Variants in UGT2B15 observed in about 807,000 individuals in gnomAD.
The protein encoded by UGT2B15 is UDP-glucuronosyltransferase 2B15.
A neutral mutation model predicts 45.9 loss-of-function variants in UGT2B15; 36 were observed. That is an observed-to-expected ratio of 0.78 (90% confidence interval 0.60 to 1.04). The LOEUF (loss-of-function observed/expected upper bound fraction) is 1.04, where lower values mean the gene tolerates loss of function less well. Ranked by LOEUF, UGT2B15 falls within the 50% of genes least tolerant of loss-of-function variation. The pLI is 0.00. For synonymous variants in UGT2B15, 219 were observed against 216.4 expected, an observed-to-expected ratio of 1.01 and a Z score of -0.11; for missense variants, 617 against 622.4, an observed-to-expected ratio of 0.99 and a Z score of 0.09.
chr4:68,653,307 A>G (rs765733011), intron 5 of UGT2B15, among the ~76,000 whole-genome samples: 5 of 152,060 alleles, frequency 3.3e-5, no homozygotes, highest in Non-Finnish European at 7.4e-5. Context: ...ATATAGAAAT[A>G]AAAATGAATG....
chr4:68,670,060 C>T lies in UGT2B15; in HGVS notation c.559G>A (p.Gly187Arg). Residue 187 changes from glycine (G) to arginine (R), a missense_variant, in exon 1 of 6, where the codon GGA becomes AGA. Gly to Arg is a moderately radical substitution (Grantham distance 125). This residue lies in a region of UGT2B15 where 351 missense variants were observed against 342.1 expected (regional missense o/e 1.03). Transcript: ENST00000338206. ...ACATAGGAAGGAGGGAACAGAAATC[C>T]TCCACCATTCTTCTCAAATGTGTAG... ...VGYTFEKNGG[G>R]FLFPPSYVPV... The T allele has an allele frequency of 6.2e-7, 1 of 1,613,994 alleles. No homozygotes were observed. The highest frequency in any genetic ancestry group is 1.3e-5 in the African/African-American group (1 of 75,010).
chr4:68,649,960 G>A (rs1379777407), intron 5 of UGT2B15, among the ~76,000 whole-genome samples: 4 of 151,638 alleles, frequency 2.6e-5, no homozygotes, highest in African/African-American at 9.7e-5. Flanking sequence ...AACCTCCTGA[G>A]TAGCTGGGAC....
intron 3 of UGT2B15, among the ~76,000 whole-genome samples, chr4:68,656,703 T>G (rs1177841450): frequency 1.3e-5 from 2 of 152,150 alleles, no homozygotes; most frequent in Non-Finnish European, 2.9e-5. Context: ...AGGCTTCTAA[T>G]GACTTGAACT....
At position 68,663,134 on chromosome 4, in the gene UGT2B15, C is replaced by T. The variant is rs1220451163; in HGVS notation, c.879G>A (p.Met293Ile). Residue 293 changes from methionine (M) to isoleucine (I), a missense_variant, in exon 3 of 6, where the codon ATG becomes ATA. By Grantham distance (10) the Met-to-Ile change is conservative (BLOSUM62 1). Transcript: ENST00000338206. ...CTCCAGAGCTCTGCACAAACTCTTC[C>T]ATTTCCTGTGAAGAAAGAATTTGTT... ...CKPAKPLPKE[M>I]EEFVQSSGEN... The T allele has an allele frequency of 2.5e-5, 39 of 1,582,202 alleles. No homozygotes were observed. Among genetic ancestry groups the T allele is most frequent in the Non-Finnish European group, 3.3e-5 (38 of 1,168,532 alleles).
chr4:68,648,676 C>T (rs1458913486), intron 5 of UGT2B15, among the ~76,000 whole-genome samples: 1 of 152,148 alleles, frequency 6.6e-6, no homozygotes, highest in East Asian at 1.9e-4. Context: ...AGTGAAGACA[C>T]CAATTTATCA....
chr4:68,658,793 GT>G (rs1732882135), intron 3 of UGT2B15, among the ~76,000 whole-genome samples: 1 of 152,096 alleles, frequency 6.6e-6, no homozygotes, highest in South Asian at 2.1e-4. Flanking sequence ...ACTCATATAA[GT>G]TTTTTTCCTC....
chr4:68,665,665 AAAGC>A (rs1333298546), intron 2 of UGT2B15, among the ~76,000 whole-genome samples: 1 of 152,208 alleles, frequency 6.6e-6, no homozygotes, highest in Admixed American at 6.5e-5. Context: ...ACATAATGGA[AAAGC>A]AAGCAAATTT....
intron 5 of UGT2B15, among the ~76,000 whole-genome samples, chr4:68,648,768 T>C (rs1361911552): frequency 3.9e-5 from 6 of 152,118 alleles, no homozygotes; most frequent in Non-Finnish European, 8.8e-5. Flanking sequence ...ACCTGATTTC[T>C]GATATCATAG....
chr4:68,650,943 CT>C (rs1033698808), intron 5 of UGT2B15, among the ~76,000 whole-genome samples: 1 of 139,370 alleles, frequency 7.2e-6, no homozygotes, highest in East Asian at 2.1e-4. Context: ...GCATAAATGT[CT>C]TTTTTTAAGA....
chr4:68,664,166 AAATG>A (rs1011745652), intron 2 of UGT2B15, among the ~76,000 whole-genome samples: 2 of 152,012 alleles, frequency 1.3e-5, no homozygotes, highest in African/African-American at 4.8e-5. Context: ...GTTTGCTTTG[AAATG>A]AATGAGAATT....
At chr4:68,662,905 T>C in intron 3 of UGT2B15, 103 bp downstream of exon 3, 1 of 914,740 alleles carries the variant, frequency 1.1e-6, no homozygotes. Flanking sequence ...ATTAGAACTA[T>C]CATAGCAGTT....
In UGT2B15 at chr4:68,647,066, C is replaced by T. The variant is rs756387076; in HGVS notation, c.*38G>A. On this transcript the variant is annotated 3_prime_UTR_variant, in exon 6 of 6. Transcript: ENST00000338206. ...TCCATGCTGAAATAAAGGAGGAGTCCCATCTTTCAGTCATTCCACTTCAGG... is the reference window on the plus strand; with the variant it reads ...TCCATGCTGAAATAAAGGAGGAGTCTCATCTTTCAGTCATTCCACTTCAGG... 2 of 1,580,002 alleles carry T rather than the reference C, an allele frequency of 1.3e-6. No individual in the cohort carries two copies. The highest frequency in any genetic ancestry group is 1.7e-6 in the Non-Finnish European group (2 of 1,161,546).
In UGT2B15 at chr4:68,670,052, C is replaced by G. The variant is rs1274650225; in HGVS notation, c.567G>C (p.Leu189=). The G allele has an allele frequency of 1.9e-6, 3 of 1,613,890 alleles. No homozygotes were observed. The highest frequency in any genetic ancestry group is 1.3e-5 in the African/African-American group (1 of 74,894). The change falls in exon 1 of 6, where the codon CTG becomes CTC. Residue 189 remains leucine, a synonymous_variant. Transcript: ENST00000338206. Reference sequence around the variant, plus strand: ...CAACAGGTACATAGGAAGGAGGGAACAGAAATCCTCCACCATTCTTCTCAA... The same window carrying G: ...CAACAGGTACATAGGAAGGAGGGAAGAGAAATCCTCCACCATTCTTCTCAA... ...YTFEKNGGGF[L]FPPSYVPVVM...
chr4:68,650,329 G>T (rs1216612516), intron 5 of UGT2B15, among the ~76,000 whole-genome samples: 1 of 151,848 alleles, frequency 6.6e-6, no homozygotes, highest in Non-Finnish European at 1.5e-5. Context: ...CCCCCGGTGT[G>T]TGTTGTTCCC....
At chr4:68,666,782 T>G (rs1733138024) in intron 2 of UGT2B15, among the ~76,000 whole-genome samples, 1 of 146,134 alleles carries the variant, frequency 6.8e-6, no homozygotes, top group Non-Finnish European at 1.5e-5. Context: ...ATTCTCACTC[T>G]GTTGCCCAGG....
intron 3 of UGT2B15, among the ~76,000 whole-genome samples, chr4:68,661,152 AT>A (rs543974172): frequency 6.6e-6 from 1 of 151,822 alleles, no homozygotes; most frequent in African/African-American, 2.4e-5. Context: ...TCTCCAAAAG[AT>A]TTTTTTTAAA....
At chr4:68,665,521 A>C (rs1733093839) in intron 2 of UGT2B15, among the ~76,000 whole-genome samples, 1 of 152,248 alleles carries the variant, frequency 6.6e-6, no homozygotes, top group Non-Finnish European at 1.5e-5. Flanking sequence ...TCTTACCATC[A>C]TGATTTATTC....
chr4:68,652,624 T>C (rs1374042520), intron 5 of UGT2B15, among the ~76,000 whole-genome samples: 1 of 151,716 alleles, frequency 6.6e-6, no homozygotes, highest in Non-Finnish European at 1.5e-5. Flanking sequence ...GCATTTTTCA[T>C]AGTATTTCCT....
chr4:68,668,099 A>G lies in UGT2B15; in HGVS notation c.814T>C (p.Leu272=). ...CCTCCAACAAAATCAACATTTGGTA[A>G]GAATGGGCGAGGAAATTCAAAATCC... ...YWDFEFPRPF[L]PNVDFVGGLH... is the part of the protein sequence containing the mutation. Residue 272 remains leucine (L), a synonymous_variant, in exon 2 of 6, where the codon TTA becomes CTA. Coordinates refer to ENST00000338206, the MANE Select transcript of UGT2B15 (RefSeq NM_001076.4). 1.2e-6 allele frequency: 2 copies of G among 1,614,038 alleles called. No homozygotes were observed. The highest frequency in any genetic ancestry group is 8.5e-7 in the Non-Finnish European group (1 of 1,179,962).
Sources: allele counts gnomAD v4.1 joint callset (sites outside exome capture counted in the v4.1 genomes callset), GRCh38; gene constraint gnomAD v4.1.1; regional missense constraint gnomAD v4.1.1; transcripts MANE v1.5; gene names NCBI Gene and HGNC (gene_info 2026-07-23, HGNC 2026-07-21).